Variants in SLC35D1 observed in about 807,000 individuals in gnomAD.
SLC35D1 encodes nucleotide sugar transporter SLC35D1.
A neutral mutation model predicts 46.7 loss-of-function variants in SLC35D1; 31 were observed. The observed-to-expected ratio is 0.66, with a 90% CI of 0.50 to 0.90. SLC35D1 has a LOEUF of 0.90. Among genes scored for constraint, SLC35D1 ranks in the 40% least tolerant of loss-of-function variants. The probability of loss-of-function intolerance (pLI) is 0.00; values close to 1 mark genes in which losing one functional copy is unlikely to be tolerated. For synonymous variants in SLC35D1, 195 were observed against 164.6 expected, an observed-to-expected ratio of 1.18 and a Z score of -1.41; for missense variants, 397 against 426.2, an observed-to-expected ratio of 0.93 and a Z score of 0.60.
rs975407356 is a variant in SLC35D1 at position 67,026,560 on chromosome 1, C to T, written c.730-4958G>A. Among the ~76,000 whole-genome samples, 4 of 152,154 alleles carry T rather than the reference C, an allele frequency of 2.6e-5. No individual in the cohort carries two copies. In the East Asian group the frequency reaches 7.7e-4, roughly 29 times the overall value. ...TTCCTTAAATTTTTTGTCAAATTCT[C>T]CAGTGAAGCAATCAGGGCCTGAAAT... is the stretch of plus-strand genomic sequence containing the variant. On this transcript the variant is annotated intron_variant, in intron 8 of 11. Transcript: ENST00000235345.
At chr1:67,032,272 A>G (rs919430240) in intron 8 of SLC35D1, among the ~76,000 whole-genome samples, 1 of 152,252 alleles carries the variant, frequency 6.6e-6, no homozygotes, top group East Asian at 1.9e-4. Context: ...ACCACTACCT[A>G]TAACTACGCT....
intron 8 of SLC35D1, among the ~76,000 whole-genome samples, chr1:67,022,212 T>C (rs1214874973): frequency 6.6e-6 from 1 of 152,210 alleles, no homozygotes; most frequent in Non-Finnish European, 1.5e-5. Context: ...ATCTCATCTC[T>C]TGTCCAAGAG....
Position 67,009,100 on chromosome 1 carries a change from A to C in SLC35D1, c.944T>G (p.Ile315Ser). 1 of 1,498,758 alleles carries C rather than the reference A, an allele frequency of 6.7e-7. No homozygotes were observed. The highest frequency in any genetic ancestry group is 9.3e-7 in the Non-Finnish European group (1 of 1,078,048). 92.8% of individuals were successfully genotyped at this position (1,498,758 alleles called of 1,614,324 possible). A position where few individuals can be genotyped will look rare whatever the true frequency, so the allele number is the denominator to read the frequency against. The change falls in exon 11 of 12, where the codon ATT (isoleucine) becomes AGT (serine). Residue 315 changes from isoleucine (I) to serine (S), a missense_variant. Ile to Ser is a moderately radical substitution (Grantham distance 142). Coordinates refer to ENST00000235345, the MANE Select transcript of SLC35D1 (RefSeq NM_015139.3). ...TTTTACTTACCTGATATTTAAACCA[A>C]TGAAGTTTGTCCACGTGAAAATATA... ...GDYIFTWTNF[I>S]GLNISIAGSL...
At chr1:66,976,735 T>G in the SLC35D1 span, 2 of 1,569,850 alleles carry the variant, frequency 1.3e-6, no homozygotes, top group African/African-American at 1.4e-5. Context: ...GAGTTAATTT[T>G]TTCCTTAAGA....
chr1:67,033,358 G>A (rs1668057054), intron 8 of SLC35D1, among the ~76,000 whole-genome samples: 1 of 151,994 alleles, frequency 6.6e-6, no homozygotes, highest in Admixed American at 6.6e-5. Context: ...GTGTATGAGG[G>A]TTCCCTTTTA....
chr1:67,019,311 C>T (rs1019033293), intron 10 of SLC35D1, among the ~76,000 whole-genome samples: 14 of 152,182 alleles, frequency 9.2e-5, no homozygotes, highest in African/African-American at 3.4e-4. Flanking sequence ...ATACCTAGAG[C>T]TAATTTGGGG....
chr1:67,054,046 G>T lies in SLC35D1; in HGVS notation c.-33C>A, dbSNP rs757007521. On this transcript the variant is annotated 5_prime_UTR_variant, in exon 1 of 12. Coordinates refer to ENST00000235345, the MANE Select transcript of SLC35D1 (RefSeq NM_015139.3). Reference sequence around the variant, plus strand: ...GCAGCAGCGGTGGCCTGGCGGCGGGGCCTAGCGGCTCGGGGGCCTGCAGCG... The same window carrying T: ...GCAGCAGCGGTGGCCTGGCGGCGGGTCCTAGCGGCTCGGGGGCCTGCAGCG... 1.9e-5 allele frequency: 31 copies of T among 1,602,996 alleles called. No homozygotes were observed. The highest frequency in any genetic ancestry group is 2.6e-6 in the Non-Finnish European group (3 of 1,174,344).
At position 67,001,548 on chromosome 1, in the gene SLC35D1, C is replaced by T. The variant is rs923367036; in HGVS notation, c.*2792G>A. ...ATTTGTCTTTTGGAATACCACAGCTCATCTGTCTCAGTGGGCAAATTAAGG... is the reference window on the plus strand; with the variant it reads ...ATTTGTCTTTTGGAATACCACAGCTTATCTGTCTCAGTGGGCAAATTAAGG... On this transcript the variant is annotated 3_prime_UTR_variant, in exon 12 of 12. Transcript: ENST00000235345. 6.6e-6 allele frequency: 1 copy of T among 152,300 alleles called. No individual in the cohort carries two copies. The highest frequency in any genetic ancestry group is 1.5e-5 in the Non-Finnish European group (1 of 68,032). 9.4% of individuals were successfully genotyped at this position (152,300 alleles called of 1,614,324 possible).
downstream of SLC35D1, among the ~76,000 whole-genome samples, chr1:66,994,598 C>T (rs1231935244): frequency 1.3e-5 from 2 of 151,502 alleles, no homozygotes; most frequent in African/African-American, 2.4e-5. Flanking sequence ...GAGCCGAGAT[C>T]GCGCCACTGC....
downstream of SLC35D1, among the ~76,000 whole-genome samples, chr1:66,995,740 C>T (rs1239227315): frequency 3.9e-5 from 6 of 152,122 alleles, no homozygotes; most frequent in Non-Finnish European, 8.8e-5. Context: ...GGAATCAGCT[C>T]AAATGCCATT....
At chr1:66,995,617 G>A (rs900248022), downstream of SLC35D1, among the ~76,000 whole-genome samples, 3 of 151,932 alleles carry the variant, frequency 2.0e-5, no homozygotes, top group Non-Finnish European at 2.9e-5. Flanking sequence ...CAGAGATGAG[G>A]GGACGTACTA....
intron 8 of SLC35D1, among the ~76,000 whole-genome samples, chr1:67,022,490 C>A (rs1172293207): frequency 6.6e-6 from 1 of 152,200 alleles, no homozygotes; most frequent in Non-Finnish European, 1.5e-5. Context: ...AATTAAAACT[C>A]AAGGCTCCCT....
the SLC35D1 span, among the ~76,000 whole-genome samples, chr1:66,980,958 CTTTA>C: frequency 6.6e-6 from 1 of 152,070 alleles, no homozygotes; most frequent in Non-Finnish European, 1.5e-5. Context: ...TCCAATAATA[CTTTA>C]TTTACAAAAA....
At chr1:67,006,649 G>A (rs1438418672) in intron 11 of SLC35D1, among the ~76,000 whole-genome samples, 4 of 151,228 alleles carry the variant, frequency 2.6e-5, no homozygotes, top group Admixed American at 1.3e-4. Context: ...TAGCCCTAAT[G>A]ATAATTCCAG....
chr1:67,014,161 T>C (rs754651838), intron 10 of SLC35D1, among the ~76,000 whole-genome samples: 1 of 152,204 alleles, frequency 6.6e-6, no homozygotes, highest in Non-Finnish European at 1.5e-5. Context: ...AATGCCCCTC[T>C]AAATAAAATT....
Position 67,004,675 on chromosome 1 carries a change from A to G in SLC35D1, c.960-227T>C, listed in dbSNP as rs554224031. Among the ~76,000 whole-genome samples the G allele has an allele frequency of 6.0e-4, 92 of 152,312 alleles. 2 individuals are homozygous for G. In the South Asian group the frequency reaches 0.018, roughly 30 times the overall value. The stretch of plus-strand genomic sequence containing the variant: ...AGCTTAAATTTTTATGAGAAAATAT[A>G]TCATAAAACATCAAGCATTGTCTAA... On this transcript the variant is annotated intron_variant, in intron 11 of 11. Transcript: ENST00000235345.
At chr1:67,012,545 C>CAAAAAA (rs10674963) in intron 10 of SLC35D1, among the ~76,000 whole-genome samples, 21 of 103,170 alleles carry the variant, frequency 2.0e-4, no homozygotes, top group Non-Finnish European at 3.1e-4. Flanking sequence ...ACTCCTAAAT[C>CAAAAAA]AAAAAAAAAA....
At chr1:67,052,167 G>C in intron 3 of SLC35D1, 88 bp from the exon 4 acceptor site, 2 of 984,680 alleles carry the variant, frequency 2.0e-6, no homozygotes, top group South Asian at 1.4e-5. Flanking sequence ...TTGTTTATAT[G>C]ATCAAAATTT....
Position 67,047,319 on chromosome 1 carries a change from G to A in SLC35D1, c.582C>T (p.Asn194=), listed in dbSNP as rs371167014. The A allele has an allele frequency of 3.2e-5, 51 of 1,613,336 alleles. No individual in the cohort carries two copies. Among genetic ancestry groups the A allele is most frequent in the East Asian group, 2.0e-4 (9 of 44,822 alleles). The change falls in exon 7 of 12, where the codon AAC becomes AAT. Residue 194 remains asparagine (N), a synonymous_variant. Coordinates refer to ENST00000235345, the MANE Select transcript of SLC35D1 (RefSeq NM_015139.3). ...DLEGYAFILI[N]DVLTAANGAY... ...CACCATTTGCTGCTGTTAGGACATC[G>A]TTTATCAGAATAAAAGCATATCCTT...
Sources: allele counts gnomAD v4.1 joint callset (sites outside exome capture counted in the v4.1 genomes callset), GRCh38; gene constraint gnomAD v4.1.1; transcripts MANE v1.5; gene names NCBI Gene and HGNC (gene_info 2026-07-23, HGNC 2026-07-21).